The following CSF2RA variants were observed in gnomAD, a reference collection of about 807,000 sequenced individuals.
CSF2RA encodes colony stimulating factor 2 receptor subunit alpha, also known as granulocyte-macrophage colony-stimulating factor receptor subunit alpha.
A neutral mutation model predicts 51.6 loss-of-function variants in CSF2RA; 42 were observed. The ratio of observed to expected loss-of-function variants is 0.81; its 90% CI spans 0.64 to 1.05. The LOEUF (loss-of-function observed/expected upper bound fraction) is 1.05, where lower values mean the gene tolerates loss of function less well. CSF2RA is among the 50% of genes least tolerant of loss of function. The pLI, the probability that CSF2RA is intolerant of heterozygous loss-of-function variation, is 0.00. For synonymous variants in CSF2RA, 222 were observed against 193.0 expected (o/e 1.15, Z -1.24); for missense variants, 530 against 501.1 (o/e 1.06, Z -0.55).
At chrX:1,302,256 G>A (rs1408982905) in intron 10 of CSF2RA, among the ~76,000 whole-genome samples, 1 of 152,108 alleles carries the variant, frequency 6.6e-6, no homozygotes, top group Non-Finnish European at 1.5e-5. Flanking sequence ...CTGCCCAGGA[G>A]ACAGGTCTAT....
intron 2 of CSF2RA, among the ~76,000 whole-genome samples, chrX:1,280,892 C>CCTCCTCCTGCTCCTT: frequency 7.3e-6 from 1 of 136,070 alleles, no homozygotes. Flanking sequence ...TCCTTCTCCT[C>CCTCCTCCTGCTCCTT]CTCCTCCTCC....
the CSF2RA span, among the ~76,000 whole-genome samples, chrX:1,315,891 T>C: frequency 2.3e-3 from 345 of 151,966 alleles, 3 homozygotes; most frequent in African/African-American, 7.0e-3. Context: ...AGATAGACTC[T>C]AGATGGATAA....
chrX:1,302,315 G>A (rs1314142894), intron 10 of CSF2RA, among the ~76,000 whole-genome samples: 2 of 151,962 alleles, frequency 1.3e-5, no homozygotes, highest in Non-Finnish European at 2.9e-5. Context: ...AAAGGGGAAG[G>A]GGCAGGATAT....
downstream of CSF2RA, among the ~76,000 whole-genome samples, chrX:1,312,496 TTCTG>T (rs1309074674): frequency 1.4e-4 from 21 of 152,144 alleles, no homozygotes; most frequent in African/African-American, 1.2e-4. Context: ...GGGGACATTA[TTCTG>T]TCTATCACAT....
intron 4 of CSF2RA, among the ~76,000 whole-genome samples, chrX:1,286,910 A>G (rs1301257647): frequency 5.4e-4 from 82 of 152,016 alleles, no homozygotes; most frequent in Admixed American, 2.8e-3. Flanking sequence ...GGGTTTTTGG[A>G]ACACAGGAGA....
intron 1 of CSF2RA, among the ~76,000 whole-genome samples, chrX:1,271,652 G>T (rs1165761859): frequency 1.3e-5 from 2 of 151,742 alleles, no homozygotes; most frequent in Non-Finnish European, 2.9e-5. Flanking sequence ...GGGTAGCTGG[G>T]ATTACAGGTG....
At chrX:1,318,548 C>G in the CSF2RA span, among the ~76,000 whole-genome samples, 1 of 152,044 alleles carries the variant, frequency 6.6e-6, no homozygotes, top group Non-Finnish European at 1.5e-5. Context: ...CCCCACTCCC[C>G]CTGAGCCGCC....
intron 11 of CSF2RA, among the ~76,000 whole-genome samples, 196 bp downstream of exon 11, chrX:1,304,215 TGG>T (rs2148653512): frequency 1.3e-5 from 1 of 79,136 alleles, no homozygotes; most frequent in African/African-American, 6.5e-5. Flanking sequence ...GAGACCATCC[TGG>T]CTAACACAGT....
chrX:1,309,427 A>G lies in CSF2RA; in HGVS notation c.1151A>G (p.Glu384Gly). Residue 384 changes from glutamate (E) to glycine (G), a missense_variant, in exon 13 of 13, where the codon GAG becomes GGG. Coordinates refer to ENST00000381529, the MANE Select transcript of CSF2RA (RefSeq NM_172245.4). ...DEIIWEEFTP[E>G]EGKGYREEVL... ...ATCATCTGGGAGGAATTCACCCCAGAGGAAGGGAAAGGCTACCGCGAAGAG... is the reference window on the plus strand; with the variant it reads ...ATCATCTGGGAGGAATTCACCCCAGGGGAAGGGAAAGGCTACCGCGAAGAG... The G allele has an allele frequency of 6.2e-7, 1 of 1,613,990 alleles. No homozygotes were observed. The highest frequency in any genetic ancestry group is 2.2e-5 in the East Asian group (1 of 44,888).
intron 10 of CSF2RA, among the ~76,000 whole-genome samples, chrX:1,301,912 CTTTT>C (rs1158872719): frequency 1.1e-3 from 111 of 103,634 alleles, no homozygotes; most frequent in Middle Eastern, 0.016. Flanking sequence ...GGCCCTCCCT[CTTTT>C]TTTTTTTTTT....
Position 1,290,344 on chromosome X carries a change from AG to A in CSF2RA, c.484del (p.Glu162ArgfsTer25). 1 of 1,613,092 alleles carries A rather than the reference AG, an allele frequency of 6.2e-7. No individual in the cohort carries two copies. Among genetic ancestry groups the A allele is most frequent in the East Asian group, 2.2e-5 (1 of 44,868 alleles). ...FLYIRNSKRR[R>X]EIRCPYYIQD... ...CACTTTCTAATCTTTCAGGAGAAGG[AG>A]GGAGATCCGGTGTCCTTATTACATA... is the stretch of plus-strand genomic sequence containing the variant. On this transcript the variant is annotated frameshift_variant, in exon 7 of 13. Coordinates refer to ENST00000381529, the MANE Select transcript of CSF2RA (RefSeq NM_172245.4). LOFTEE classifies it high-confidence loss of function.
the CSF2RA span, among the ~76,000 whole-genome samples, chrX:1,317,138 C>T: frequency 6.6e-6 from 1 of 150,460 alleles, no homozygotes; most frequent in Admixed American, 6.7e-5. Context: ...TTAGTAGAGA[C>T]GAGGTTTCAC....
At position 1,285,921 on chromosome X, in the gene CSF2RA, G is replaced by T; in HGVS notation, c.219+1G>T. On this transcript the variant is annotated splice_donor_variant, in intron 4 of 12. Transcript: ENST00000381529. LOFTEE classifies it high-confidence loss of function. ...GAAGAACAGAGTCGTGGAACCCAGG[G>T]TGAGACGAATTTCCCATTCTCAACC... 1 of 1,613,776 alleles carries T rather than the reference G, an allele frequency of 6.2e-7. No individual in the cohort carries two copies. Among genetic ancestry groups the T allele is most frequent in the African/African-American group, 1.3e-5 (1 of 75,010 alleles).
In CSF2RA at chrX:1,282,606, C is replaced by A. The variant is rs2090178530; in HGVS notation, c.-26-72C>A. ...CTGGGTTTGTTTCCCCAAATCACCT[C>A]CCTGGGGTCCCCTGCCAGGAATGTC... On this transcript the variant is annotated intron_variant, in intron 2 of 12. Coordinates refer to ENST00000381529, the MANE Select transcript of CSF2RA (RefSeq NM_172245.4). 1.6e-5 allele frequency: 18 copies of A among 1,133,378 alleles called. 2 individuals carry two copies. In the South Asian group the frequency reaches 2.1e-4, roughly 13 times the overall value. The allele number at this position is 1,133,378 out of a possible 1,614,324, so 70.2% of individuals were successfully genotyped here.
Position 1,268,886 on chromosome X carries a change from T to C in CSF2RA, c.-91+7T>C, listed in dbSNP as rs1569485592. 2.2e-6 allele frequency: 1 copy of C among 453,962 alleles called. No individual in the cohort carries two copies. The highest frequency in any genetic ancestry group is 4.4e-6 in the Non-Finnish European group (1 of 226,742). 28.1% of individuals were successfully genotyped at this position (453,962 alleles called of 1,614,324 possible). ...GGAAGCGGATGCCGTGGGGGTAAGC[T>C]AAGTTCTTTCCTTCTGTGGTCTTTG... On this transcript the variant is annotated splice_region_variant and intron_variant, in intron 1 of 12. Transcript: ENST00000381529.
intron 2 of CSF2RA, among the ~76,000 whole-genome samples, chrX:1,277,051 A>G (rs1390708869): frequency 6.6e-6 from 1 of 151,966 alleles, no homozygotes; most frequent in Non-Finnish European, 1.5e-5. Context: ...GTGAGCTGAG[A>G]TCACGCCACT....
rs1429016805 is a variant in CSF2RA, at chrX:1,288,573, G to C, written c.274G>C (p.Val92Leu). 6.2e-7 allele frequency: 1 copy of C among 1,613,948 alleles called. No individual in the cohort carries two copies. The highest frequency in any genetic ancestry group is 1.1e-5 in the South Asian group (1 of 91,072). The stretch of plus-strand genomic sequence containing the variant: ...TCGTGAAATTTGTCTGCATGAAGGA[G>C]TCACATTTGAGGTTCACGTGAATAC... The part of the protein sequence containing the change: ...TFREICLHEG[V>L]TFEVHVNTSQ... The change falls in exon 5 of 13, where the codon GTC (valine) becomes CTC (leucine). Residue 92 changes from valine (V) to leucine (L), a missense_variant. By Grantham distance (32) the Val-to-Leu change is conservative. Transcript: ENST00000381529.
At position 1,309,609 on chromosome X, in the gene CSF2RA, A is replaced by G. The variant is rs1569513742; in HGVS notation, c.*130A>G. ...ATTTAAAAACATGACATTTGGGGCC[A>G]GGCGCGGTGGCTCACGCCTGTAATC... is the stretch of plus-strand genomic sequence containing the variant. On this transcript the variant is annotated 3_prime_UTR_variant, in exon 13 of 13. Transcript: ENST00000381529. 1 of 1,612,582 alleles carries G rather than the reference A, an allele frequency of 6.2e-7. No individual in the cohort carries two copies. The highest frequency in any genetic ancestry group is 1.3e-5 in the African/African-American group (1 of 75,014).
intron 1 of CSF2RA, among the ~76,000 whole-genome samples, 192 bp from the exon 2 acceptor site, chrX:1,274,563 G>A (rs28600758): frequency 0.44 from 49,353 of 112,898 alleles, 12,316 homozygotes; most frequent in East Asian, 0.63. Context: ...GGCCTCAAAT[G>A]ATCCACCTGC....
Sources: gnomAD v4.1 joint callset for allele counts (sites outside exome capture counted in the v4.1 genomes callset) on GRCh38, gnomAD v4.1.1 for gene constraint, MANE v1.5 for transcripts, NCBI Gene and HGNC (gene_info 2026-07-23, HGNC 2026-07-21) for gene names.